Variants in MACROD2 observed in about 807,000 individuals in gnomAD.
MACROD2 encodes the protein mono-ADP ribosylhydrolase 2.
MACROD2 carries 36 observed loss-of-function variants against 70.4 expected under a neutral mutation model. The ratio of observed to expected loss-of-function variants is 0.51; its 90% CI spans 0.39 to 0.68. MACROD2 has a LOEUF of 0.68. MACROD2 is among the 30% of genes least tolerant of loss of function. The pLI, the probability that MACROD2 is intolerant of heterozygous loss-of-function variation, is 0.00. For missense variants in MACROD2, 496 were observed against 538.4 expected (o/e 0.92, Z 0.78); for synonymous variants, 172 against 178.8 (o/e 0.96, Z 0.30).
At chr20:14,321,202 T>A (rs2122548051) in intron 3 of MACROD2, among the ~76,000 whole-genome samples, 1 of 152,158 alleles carries the variant, frequency 6.6e-6, no homozygotes, top group East Asian at 1.9e-4. Context: ...CCGTCTCTAC[T>A]AAAAATACAA....
chr20:14,899,527 A>G (rs779736997), intron 5 of MACROD2, among the ~76,000 whole-genome samples: 7 of 152,098 alleles, frequency 4.6e-5, no homozygotes, highest in African/African-American at 7.2e-5. Flanking sequence ...TCATCCTCAC[A>G]TGGGGGTCTC....
chr20:15,854,466 C>T (rs1249095631), intron 8 of MACROD2, among the ~76,000 whole-genome samples: 1 of 152,138 alleles, frequency 6.6e-6, no homozygotes, highest in African/African-American at 2.4e-5. Flanking sequence ...AAGAGGATTC[C>T]AAGCCTGAGG....
intron 5 of MACROD2, among the ~76,000 whole-genome samples, chr20:15,052,047 G>A (rs983013025): frequency 1.3e-5 from 2 of 152,112 alleles, no homozygotes; most frequent in Admixed American, 1.3e-4. Context: ...CACTGCGCCC[G>A]GCCGGCCTAT....
At chr20:15,084,434 G>A (rs2123144280) in intron 5 of MACROD2, among the ~76,000 whole-genome samples, 1 of 152,234 alleles carries the variant, frequency 6.6e-6, no homozygotes, top group South Asian at 2.1e-4. Context: ...GCCATGTGGA[G>A]CAGAGTCTTG....
intron 12 of MACROD2, among the ~76,000 whole-genome samples, chr20:15,951,911 G>A (rs560681192): frequency 2.0e-5 from 3 of 152,216 alleles, no homozygotes; most frequent in Non-Finnish European, 4.4e-5. Flanking sequence ...TATCCTAAAC[G>A]TGTTATGTGA....
At chr20:14,169,319 C>T (rs1054713182) in intron 3 of MACROD2, among the ~76,000 whole-genome samples, 10 of 150,926 alleles carry the variant, frequency 6.6e-5, no homozygotes, top group African/African-American at 2.0e-4. Context: ...TGGGGGGGGG[C>T]GGTGGACAGA....
chr20:14,995,286 G>A (rs1373713614), intron 5 of MACROD2, among the ~76,000 whole-genome samples: 2 of 151,910 alleles, frequency 1.3e-5, no homozygotes, highest in African/African-American at 4.8e-5. Context: ...TAGTTACTTG[G>A]TAAATTATAA....
At chr20:14,744,119 C>T (rs1185477806) in intron 5 of MACROD2, among the ~76,000 whole-genome samples, 3 of 152,050 alleles carry the variant, frequency 2.0e-5, no homozygotes, top group African/African-American at 4.8e-5. Context: ...ATAATAAATT[C>T]GTGTTGTTTT....
intron 3 of MACROD2, among the ~76,000 whole-genome samples, chr20:14,258,341 G>A (rs572137112): frequency 9.2e-5 from 14 of 151,976 alleles, no homozygotes; most frequent in Non-Finnish European, 8.8e-5. Flanking sequence ...ATTCCCACCA[G>A]TAGTGTAAAA....
At chr20:15,649,105 CCCCTTCCCTCCCCTCCCCTCCCTT>C in intron 8 of MACROD2, among the ~76,000 whole-genome samples, 1 of 105,862 alleles carries the variant, frequency 9.4e-6, no homozygotes, top group African/African-American at 3.5e-5. Flanking sequence ...CCCCTCCCCT[CCCCTTCCCTCCCCTCCCCTCCCTT>C]CCCTTCCCTT....
chr20:15,352,665 A>T (rs964185056), intron 6 of MACROD2, among the ~76,000 whole-genome samples: 3 of 152,184 alleles, frequency 2.0e-5, no homozygotes, highest in Non-Finnish European at 4.4e-5. Flanking sequence ...CTCAGGATAC[A>T]AAATCAATGT....
chr20:14,605,045 G>A (rs1348931783), intron 4 of MACROD2, among the ~76,000 whole-genome samples: 1 of 152,174 alleles, frequency 6.6e-6, no homozygotes, highest in Non-Finnish European at 1.5e-5. Flanking sequence ...ACAAAATGCA[G>A]TGAAGTAGCT....
At chr20:15,958,488 T>C (rs1287807595) in intron 12 of MACROD2, among the ~76,000 whole-genome samples, 1 of 152,198 alleles carries the variant, frequency 6.6e-6, no homozygotes, top group African/African-American at 2.4e-5. Flanking sequence ...GAAAATGTGA[T>C]GCCAGAGAAC....
intron 5 of MACROD2, among the ~76,000 whole-genome samples, chr20:15,133,242 A>G (rs994030943): frequency 2.0e-5 from 3 of 152,144 alleles, no homozygotes; most frequent in Non-Finnish European, 4.4e-5. Context: ...AGGAGAAAAC[A>G]GTATGAGAAA....
intron 7 of MACROD2, among the ~76,000 whole-genome samples, chr20:15,440,235 T>G (rs1166495310): frequency 6.6e-6 from 1 of 152,184 alleles, no homozygotes; most frequent in African/African-American, 2.4e-5. Context: ...AAGTTTGCTT[T>G]CCAGGTATGA....
chr20:15,968,868 G>A (rs977516146), intron 13 of MACROD2, among the ~76,000 whole-genome samples: 7 of 147,064 alleles, frequency 4.8e-5, no homozygotes, highest in South Asian at 2.1e-4. Context: ...GAGAGAGAGA[G>A]AGACTGTTTA....
intron 3 of MACROD2, among the ~76,000 whole-genome samples, chr20:14,175,295 C>T (rs554299199): frequency 6.6e-6 from 1 of 152,134 alleles, no homozygotes; most frequent in East Asian, 1.9e-4. Context: ...CCTAAAGACT[C>T]CTTCTTAAAT....
At chr20:14,825,109 C>T (rs2122218725) in intron 5 of MACROD2, among the ~76,000 whole-genome samples, 2 of 152,208 alleles carry the variant, frequency 1.3e-5, no homozygotes, top group South Asian at 2.1e-4. Flanking sequence ...CTGCTGCAGG[C>T]ACGTCTGCCC....
intron 5 of MACROD2, among the ~76,000 whole-genome samples, chr20:15,102,547 GAA>G (rs935583090): frequency 6.6e-6 from 1 of 151,962 alleles, no homozygotes; most frequent in African/African-American, 2.4e-5. Context: ...GAGTAGAATA[GAA>G]AAGAGTGGGA....
Sources: gnomAD v4.1 joint callset for allele counts (sites outside exome capture counted in the v4.1 genomes callset) on GRCh38, gnomAD v4.1.1 for gene constraint, MANE v1.5 for transcripts, NCBI Gene and HGNC (gene_info 2026-07-23, HGNC 2026-07-21) for gene names.